Variants in MARF1 observed in about 807,000 individuals in gnomAD.
MARF1 encodes meiosis regulator and mRNA stability factor 1, also known as limkain-b1.
Under a neutral mutation model 168.2 loss-of-function variants are expected in MARF1, and 24 were observed. The ratio of observed to expected loss-of-function variants is 0.14; its 90% CI spans 0.10 to 0.20. The LOEUF (loss-of-function observed/expected upper bound fraction) is 0.20, where lower values mean the gene tolerates loss of function less well. Among genes scored for constraint, MARF1 ranks in the 10% least tolerant of loss-of-function variants. The pLI is 1.00. For missense variants in MARF1, 1,744 were observed against 2,143.6 expected, an observed-to-expected ratio of 0.81 and a Z score of 3.68; for synonymous variants, 868 against 822.4, an observed-to-expected ratio of 1.06 and a Z score of -0.95.
In MARF1 at chr16:15,623,652, G is replaced by A. The variant is rs114060793; in HGVS notation, c.2271-529C>T. 8.8e-3 allele frequency among the ~76,000 whole-genome samples: 1,340 copies of A among 152,054 alleles called. 19 individuals carry two copies. The highest frequency in any genetic ancestry group is 0.031 in the African/African-American group (1,267 of 41,462). Reference sequence around the variant, plus strand: ...TACTATCTACTGACCCCTAATTACCGCCAACCAATTAATATATATTCTTCC... The same window carrying A: ...TACTATCTACTGACCCCTAATTACCACCAACCAATTAATATATATTCTTCC... On this transcript the variant is annotated intron_variant, in intron 10 of 26. Transcript: ENST00000396368.
In MARF1 at chr16:15,625,459, T is replaced by C. The variant is rs2034779169; in HGVS notation, c.1866A>G (p.Gln622=). 9.9e-6 allele frequency: 16 copies of C among 1,614,188 alleles called. No individual in the cohort carries two copies. The South Asian group carries it at 1.4e-4, about 14-fold the overall frequency. The change falls in exon 8 of 27, where the codon CAA becomes CAG. Residue 622 remains glutamine (Q), a synonymous_variant. Transcript: ENST00000396368. ...CAGGCGTGGCTTTGGCACTGGAAGATTGTTCACTTGCATCTTTGATGAGGC... is the reference window on the plus strand; with the variant it reads ...CAGGCGTGGCTTTGGCACTGGAAGACTGTTCACTTGCATCTTTGATGAGGC... The part of the protein sequence containing the change: ...KLCLIKDASE[Q]SSSAKATPGK...
At chr16:15,601,663 G>A in intron 23 of MARF1, 1 of 417,602 alleles carries the variant, frequency 2.4e-6, no homozygotes, top group Non-Finnish European at 4.4e-6. Flanking sequence ...AGTGGGCCCT[G>A]ACACGGCCCT....
intron 10 of MARF1, 149 bp from the exon 11 acceptor site, chr16:15,623,272 A>ATATTTT: frequency 1.0e-5 from 3 of 287,974 alleles, no homozygotes; most frequent in Non-Finnish European, 1.7e-5. Flanking sequence ...TGTGTTTTTA[A>ATATTTT]TCTTTTTTTT....
At chr16:15,607,649 T>A (rs1368911654) in intron 21 of MARF1, among the ~76,000 whole-genome samples, 1 of 152,216 alleles carries the variant, frequency 6.6e-6, no homozygotes, top group African/African-American at 2.4e-5. Context: ...AATGGGCCTG[T>A]AACTGAGGGT....
chr16:15,596,830 C>T lies in MARF1; in HGVS notation c.5092G>A (p.Val1698Met), dbSNP rs775827576. Residue 1698 changes from valine to methionine, a missense_variant, in exon 27 of 27, where the codon GTG (valine) becomes ATG (methionine). Physicochemically the swap from Val to Met is conservative, Grantham distance 21 (BLOSUM62 1). Around this residue, in one of 7 missense-constraint regions of MARF1, gnomAD observed 313 missense variants for 337.4 expected, o/e 0.93. Coordinates refer to ENST00000396368, the MANE Select transcript of MARF1 (RefSeq NM_014647.4). ...GTTTCCGAGGAGGGGCAGGGAGGCA[C>T]GGGGACAGCTGCTGAGATGCAGGAC... ...SSSCISAAVP[V>M]PPCPSSETSE... 2.5e-5 allele frequency: 41 copies of T among 1,614,054 alleles called. 1 individual carries two copies. The Admixed American group carries it at 5.5e-4, about 22-fold the overall frequency.
rs762328176 is a variant in MARF1 at position 15,612,563 on chromosome 16, T to A, written c.3468A>T (p.Val1156=). ...LIELLEAVPH[V]LQILGMGSKR... ...ATCCCGTGACACGCCTTACCTGCAATACATGAGGCACTGCTTCTAATAACT... is the reference window on the plus strand; with the variant it reads ...ATCCCGTGACACGCCTTACCTGCAAAACATGAGGCACTGCTTCTAATAACT... Residue 1156 remains valine, a synonymous_variant, in exon 17 of 27, where the codon GTA becomes GTT. Coordinates refer to ENST00000396368, the MANE Select transcript of MARF1 (RefSeq NM_014647.4). The A allele has an allele frequency of 6.2e-7, 1 of 1,613,558 alleles. No homozygotes were observed. Among genetic ancestry groups the A allele is most frequent in the South Asian group, 1.1e-5 (1 of 91,078 alleles).
chr16:15,621,943 T>C (rs2151189771), intron 11 of MARF1, 32 bp from the exon 12 acceptor site: 1 of 1,604,972 alleles, frequency 6.2e-7, no homozygotes, highest in South Asian at 1.1e-5. Flanking sequence ...CTAAACGCTA[T>C]GTCCGCCCAG....
chr16:15,635,041 G>A (rs552100336), intron 3 of MARF1, 110 bp from the exon 4 acceptor site: 1 of 844,892 alleles, frequency 1.2e-6, no homozygotes, highest in African/African-American at 1.7e-5. Flanking sequence ...CTTTCCACTT[G>A]CTAGCCTCTA....
At chr16:15,615,235 C>A (rs1276723713) in intron 16 of MARF1, among the ~76,000 whole-genome samples, 2 of 152,234 alleles carry the variant, frequency 1.3e-5, no homozygotes, top group African/African-American at 4.8e-5. Flanking sequence ...GTGGCTCATG[C>A]CTGTAATCCC....
In MARF1 at chr16:15,631,413, T is replaced by C; in HGVS notation, c.1319A>G (p.His440Arg). The C allele has an allele frequency of 6.2e-7, 1 of 1,612,796 alleles. No homozygotes were observed. Among genetic ancestry groups the C allele is most frequent in the Non-Finnish European group, 8.5e-7 (1 of 1,179,006 alleles). Residue 440 changes from histidine (H) to arginine (R), a missense_variant, in exon 6 of 27, where the codon CAC becomes CGC. By Grantham distance (29) the His-to-Arg change is conservative. Transcript: ENST00000396368. ...RQSLRRFANT[H>R]TAPATVVLVS... Reference sequence around the variant, plus strand: ...AAGAACCACTGTGGCTGGAGCAGTGTGTGTATTTGCAAATCTGCGGAGACT... The same window carrying C: ...AAGAACCACTGTGGCTGGAGCAGTGCGTGTATTTGCAAATCTGCGGAGACT...
chr16:15,638,635 G>C (rs1327763844), intron 2 of MARF1, among the ~76,000 whole-genome samples: 1 of 151,882 alleles, frequency 6.6e-6, no homozygotes, highest in Non-Finnish European at 1.5e-5. Flanking sequence ...CAAGAAGTTA[G>C]AGACATAAAT....
intron 11 of MARF1, 109 bp from the exon 12 acceptor site, chr16:15,622,020 T>C (rs2034497564): frequency 1.1e-6 from 1 of 930,614 alleles, no homozygotes; most frequent in Non-Finnish European, 1.6e-6. Flanking sequence ...AGCGCTTCCA[T>C]GAAGGAGTAT....
intron 11 of MARF1, among the ~76,000 whole-genome samples, chr16:15,622,695 T>G (rs1034032114): frequency 6.6e-6 from 1 of 152,166 alleles, no homozygotes; most frequent in Non-Finnish European, 1.5e-5. Context: ...AAATTGCCAT[T>G]TCAATTTCTG....
Position 15,604,389 on chromosome 16 carries a change from T to C in MARF1, c.4192A>G (p.Ile1398Val). 1 of 1,612,372 alleles carries C rather than the reference T, an allele frequency of 6.2e-7. No homozygotes were observed. The highest frequency in any genetic ancestry group is 8.5e-7 in the Non-Finnish European group (1 of 1,178,336). ...AGCTGAATCTGTCTGCCAGATTCTA[T>C]ATCGGCAACCTGGGGAAAACGAGAA... Reference protein sequence around the residue: ...KLCHVVKVADIESGRQIQLIN... With the variant: ...KLCHVVKVADVESGRQIQLIN... The change falls in exon 22 of 27, where the codon ATA becomes GTA. Residue 1398 changes from isoleucine to valine, a missense_variant. Ile to Val is a conservative substitution (Grantham distance 29). Around this residue, in one of 7 missense-constraint regions of MARF1, gnomAD observed 74 missense variants for 66.7 expected, o/e 1.11. Coordinates refer to ENST00000396368, the MANE Select transcript of MARF1 (RefSeq NM_014647.4).
At chr16:15,627,478 C>T (rs1386919546) in intron 7 of MARF1, among the ~76,000 whole-genome samples, 4 of 152,060 alleles carry the variant, frequency 2.6e-5, no homozygotes, top group Non-Finnish European at 4.4e-5. Context: ...ATTAGCCAGG[C>T]GTGGTGGCGG....
intron 25 of MARF1, among the ~76,000 whole-genome samples, chr16:15,599,438 G>GT (rs1247356678): frequency 6.6e-6 from 1 of 152,160 alleles, no homozygotes; most frequent in African/African-American, 2.4e-5. Flanking sequence ...GCTGTAATAC[G>GT]TGACTGCCTG....
At chr16:15,599,249 C>T (rs377005949) in intron 25 of MARF1, 4 of 570,910 alleles carry the variant, frequency 7.0e-6, no homozygotes, top group Admixed American at 3.1e-5. Context: ...TCTGAAGATC[C>T]GTGTTCTTAG....
At position 15,634,858 on chromosome 16, in the gene MARF1, G is replaced by C. The variant is rs952808742; in HGVS notation, c.905C>G (p.Pro302Arg). ...GCCATTACACAGAGGGACAGCAAGA[G>C]GTGCAGGTTGAGTATTTGGAGGTGG... ...NIPPPNTQPA[P>R]LAVPLCNGCG... Residue 302 changes from proline (P) to arginine (R), a missense_variant, in exon 4 of 27, where the codon CCT (proline) becomes CGT (arginine). Physicochemically the swap from Pro to Arg is moderately radical, Grantham distance 103. Around this residue, in one of 7 missense-constraint regions of MARF1, gnomAD observed 217 missense variants for 372.4 expected, o/e 0.58. Coordinates refer to ENST00000396368, the MANE Select transcript of MARF1 (RefSeq NM_014647.4). 1.2e-6 allele frequency: 2 copies of C among 1,614,014 alleles called. No homozygotes were observed. The highest frequency in any genetic ancestry group is 1.7e-6 in the Non-Finnish European group (2 of 1,179,994).
At chr16:15,631,298 T>G in intron 6 of MARF1, 83 bp downstream of exon 6, 1 of 936,400 alleles carries the variant, frequency 1.1e-6, no homozygotes, top group Admixed American at 1.8e-5. Flanking sequence ...GGGGATACAT[T>G]TTACTTTCAC....
Sources: gnomAD v4.1 joint callset for allele counts (sites outside exome capture counted in the v4.1 genomes callset) on GRCh38, gnomAD v4.1.1 for gene constraint, gnomAD v4.1.1 regional missense constraint, MANE v1.5 for transcripts, NCBI Gene and HGNC (gene_info 2026-07-23, HGNC 2026-07-21) for gene names.